Variants in MDN1 observed in about 807,000 individuals in gnomAD.
MDN1 encodes the protein midasin AAA ATPase 1, also known as midasin.
MDN1 carries 266 observed loss-of-function variants against 669.2 expected under a neutral mutation model. The observed-to-expected ratio is 0.40, with a 90% CI of 0.36 to 0.44. The LOEUF (loss-of-function observed/expected upper bound fraction) is 0.44, where lower values mean the gene tolerates loss of function less well. MDN1 is among the 20% of genes least tolerant of loss of function. MDN1 has a pLI of 1.00. For missense variants in MDN1, 5,940 were observed against 6,754.0 expected (o/e 0.88, Z 4.22); for synonymous variants, 2,385 against 2,457.1 (o/e 0.97, Z 0.87).
At chr6:89,744,837 G>A (rs527589196) in intron 29 of MDN1, among the ~76,000 whole-genome samples, 7 of 150,112 alleles carry the variant, frequency 4.7e-5, no homozygotes, top group East Asian at 3.9e-4. Flanking sequence ...GAGCCGTATC[G>A]CACCACTGCA....
At chr6:89,748,719 TAA>T (rs141003255) in intron 26 of MDN1, among the ~76,000 whole-genome samples, 7 of 147,386 alleles carry the variant, frequency 4.7e-5, no homozygotes, top group South Asian at 4.3e-4. Context: ...GTTGATTGAT[TAA>T]AAAAAAAAAC....
chr6:89,796,371 T>G lies in MDN1; in HGVS notation c.330-1570A>C, dbSNP rs911488673. Among the ~76,000 whole-genome samples, 2 of 131,982 alleles carry G rather than the reference T, an allele frequency of 1.5e-5. 1 individual carries two copies. The highest frequency in any genetic ancestry group is 5.9e-5 in the African/African-American group (2 of 33,904). 86.6% of individuals were successfully genotyped at this position (131,982 alleles called of 152,430 possible). Reference sequence around the variant, plus strand: ...AAAAACAAAAAAAAAAACCAAACACTTTGAACATTATAAAGAAATGGAAAA... The same window carrying G: ...AAAAACAAAAAAAAAAACCAAACACGTTGAACATTATAAAGAAATGGAAAA... On this transcript the variant is annotated intron_variant, in intron 2 of 101. Transcript: ENST00000369393.
intron 83 of MDN1, among the ~76,000 whole-genome samples, chr6:89,669,722 A>G (rs1810501925): frequency 6.6e-6 from 1 of 152,130 alleles, no homozygotes; most frequent in African/African-American, 2.4e-5. Flanking sequence ...GAGGAAACTG[A>G]GGCTTGGTGA....
chr6:89,731,362 C>T (rs757942145), intron 34 of MDN1, among the ~76,000 whole-genome samples: 3 of 152,070 alleles, frequency 2.0e-5, no homozygotes, highest in African/African-American at 4.8e-5. Context: ...GGAACCAACC[C>T]GAATGTCCAT....
chr6:89,713,063 G>T, intron 47 of MDN1, 85 bp downstream of exon 47: 1 of 1,450,046 alleles, frequency 6.9e-7, no homozygotes, highest in Non-Finnish European at 9.3e-7. Flanking sequence ...TAGGTCACTG[G>T]GTTGCCACCT....
Position 89,729,062 on chromosome 6 carries a change from A to C in MDN1, c.5218T>G (p.Leu1740Val), listed in dbSNP as rs1296253407. Residue 1740 changes from leucine to valine, a missense_variant, in exon 36 of 102, where the codon TTA becomes GTA. By Grantham distance (32) the Leu-to-Val change is conservative (BLOSUM62 1). Coordinates refer to ENST00000369393, the MANE Select transcript of MDN1 (RefSeq NM_014611.3). ...GTTAMNAQRL[L>V]RATKLKKPIL... ...GGCTTCTTCAGTTTGGTAGCTCTTAAGAGCCTCTGTGCATTCATAGCAGTG... is the reference window on the plus strand; with the variant it reads ...GGCTTCTTCAGTTTGGTAGCTCTTACGAGCCTCTGTGCATTCATAGCAGTG... 17 of 1,614,024 alleles carry C rather than the reference A, an allele frequency of 1.1e-5. No individual in the cohort carries two copies. Among genetic ancestry groups the C allele is most frequent in the Non-Finnish European group, 1.4e-5 (16 of 1,179,946 alleles).
chr6:89,660,178 C>T (rs1000299149), intron 88 of MDN1, among the ~76,000 whole-genome samples: 4 of 152,022 alleles, frequency 2.6e-5, no homozygotes, highest in East Asian at 1.9e-4. Context: ...TGAACCACCG[C>T]GCCTGGCTAA....
Position 89,710,762 on chromosome 6 carries a change from C to A in MDN1, c.7684G>T (p.Ala2562Ser). ...SIQIHLEASAASLRNFYSHSL... is the reference protein window; with the variant it reads ...SIQIHLEASASSLRNFYSHSL... ...TGTGAGTAAAAATTCCTGAGAGATGCAGCACTGGCTTCCAAATGAATTTGT... is the reference window on the plus strand; with the variant it reads ...TGTGAGTAAAAATTCCTGAGAGATGAAGCACTGGCTTCCAAATGAATTTGT... The change falls in exon 50 of 102, where the codon GCA becomes TCA. Residue 2562 changes from alanine (A) to serine (S), a missense_variant. Physicochemically the swap from Ala to Ser is moderately conservative, Grantham distance 99. Around this residue, in one of 5 missense-constraint regions of MDN1, gnomAD observed 2,292 missense variants for 2,638.3 expected, o/e 0.87. Coordinates refer to ENST00000369393, the MANE Select transcript of MDN1 (RefSeq NM_014611.3). The A allele has an allele frequency of 6.2e-7, 1 of 1,603,360 alleles. No individual in the cohort carries two copies. The highest frequency in any genetic ancestry group is 8.5e-7 in the Non-Finnish European group (1 of 1,175,734).
intron 15 of MDN1, among the ~76,000 whole-genome samples, chr6:89,770,335 C>T (rs75558497): frequency 8.0e-4 from 119 of 148,894 alleles, no homozygotes; most frequent in African/African-American, 2.9e-3. Context: ...ACGTGGGAGC[C>T]GGAGGTTGCA....
chr6:89,673,460 T>C lies in MDN1; in HGVS notation c.13250A>G (p.Lys4417Arg), dbSNP rs769495686. Residue 4417 changes from lysine (K) to arginine (R), a missense_variant and splice_region_variant, in exon 80 of 102, where the codon AAA (lysine) becomes AGA (arginine). This residue lies in a region of MDN1 where 2,280 missense variants were observed against 2,576.3 expected (regional missense o/e 0.88). Transcript: ENST00000369393. ...QSCETLFHSW[K>R]DFEVCSSALS... is the part of the protein sequence containing the mutation. ...CGCAGAAGAGCAAACTTCAAAATCT[T>C]TCCTGCAACAGAAATGCCACAATGT... The C allele has an allele frequency of 6.2e-7, 1 of 1,614,010 alleles. No individual in the cohort carries two copies. The highest frequency in any genetic ancestry group is 1.3e-5 in the African/African-American group (1 of 75,014).
chr6:89,731,539 CA>C (rs1401278406), intron 34 of MDN1, among the ~76,000 whole-genome samples: 3 of 151,638 alleles, frequency 2.0e-5, no homozygotes, highest in African/African-American at 4.9e-5. Context: ...TGTTCTCACT[CA>C]TAAGTGGGAG....
chr6:89,707,657 A>G (rs1202395732), intron 51 of MDN1, among the ~76,000 whole-genome samples, 181 bp from the exon 52 acceptor site: 1 of 152,232 alleles, frequency 6.6e-6, no homozygotes, highest in Non-Finnish European at 1.5e-5. Flanking sequence ...AGGTGAAAGG[A>G]AAGATCGATG....
chr6:89,667,503 A>T (rs1447414667), intron 84 of MDN1, among the ~76,000 whole-genome samples: 1 of 152,212 alleles, frequency 6.6e-6, no homozygotes, highest in Non-Finnish European at 1.5e-5. Context: ...CAAATGAGAC[A>T]GGCATTTAAA....
In MDN1 at chr6:89,747,354, G is replaced by T; in HGVS notation, c.3879C>A (p.Asp1293Glu). Residue 1293 changes from aspartate to glutamate, a missense_variant, in exon 27 of 102, where the codon GAC (aspartate) becomes GAA (glutamate). Around this residue, in one of 5 missense-constraint regions of MDN1, gnomAD observed 2,292 missense variants for 2,638.3 expected, o/e 0.87. Coordinates refer to ENST00000369393, the MANE Select transcript of MDN1 (RefSeq NM_014611.3). ...CATCATTGGCTAAATGCTGTAGCCAGTCATACTCCTTCTCGGTCGGCTCAG... is the reference window on the plus strand; with the variant it reads ...CATCATTGGCTAAATGCTGTAGCCATTCATACTCCTTCTCGGTCGGCTCAG... ...RLAEPTEKEY[D>E]WLQHLANDGY... The T allele has an allele frequency of 6.2e-7, 1 of 1,614,042 alleles. No individual in the cohort carries two copies. Among genetic ancestry groups the T allele is most frequent in the Non-Finnish European group, 8.5e-7 (1 of 1,179,996 alleles).
Position 89,696,556 on chromosome 6 carries a change from T to C in MDN1, c.9187A>G (p.Arg3063Gly), listed in dbSNP as rs987219681. 2 of 1,613,916 alleles carry C rather than the reference T, an allele frequency of 1.2e-6. No homozygotes were observed. The highest frequency in any genetic ancestry group is 1.7e-6 in the Non-Finnish European group (2 of 1,179,898). Residue 3063 changes from arginine to glycine, a missense_variant, in exon 60 of 102, where the codon AGA becomes GGA. By Grantham distance (125) the Arg-to-Gly change is moderately radical. This residue lies in a region of MDN1 where 2,292 missense variants were observed against 2,638.3 expected (regional missense o/e 0.87). Transcript: ENST00000369393. ...STLKGPGNLN[R>G]PIFSKCCFEV... ...AAGCAGCACTTAGAGAATATGGGTC[T>C]ATTGAGATTGCCGGGGCCCTAAAGG...
rs1813849755 is a variant in MDN1, at chr6:89,710,801, A to G, written c.7652-7T>C. ...AAATGAATTTGTATGGACTCTGTGG[A>G]GGAAGGAGAAACCAGTGTTAGACTC... On this transcript the variant is annotated splice_polypyrimidine_tract_variant and splice_region_variant and intron_variant, in intron 49 of 101. Coordinates refer to ENST00000369393, the MANE Select transcript of MDN1 (RefSeq NM_014611.3). 26 of 1,543,246 alleles carry G rather than the reference A, an allele frequency of 1.7e-5. No homozygotes were observed. Among genetic ancestry groups the G allele is most frequent in the Non-Finnish European group, 2.2e-5 (25 of 1,123,060 alleles).
At chr6:89,782,608 AATAAT>A (rs1562213948) in intron 9 of MDN1, among the ~76,000 whole-genome samples, 58 of 820 alleles carry the variant, frequency 0.071, no homozygotes, top group Non-Finnish European at 0.14. Flanking sequence ...CTCAAAAAAT[AATAAT>A]AATAATAATA....
At chr6:89,796,850 C>T (rs557181751) in intron 2 of MDN1, among the ~76,000 whole-genome samples, 230 of 152,108 alleles carry the variant, frequency 1.5e-3, no homozygotes, top group African/African-American at 5.3e-3. Flanking sequence ...GGGTGGATCA[C>T]CTGAGGTCGG....
At position 89,706,072 on chromosome 6, in the gene MDN1, G is replaced by A; in HGVS notation, c.8135C>T (p.Ala2712Val). 1.2e-6 allele frequency: 2 copies of A among 1,604,024 alleles called. No homozygotes were observed. Among genetic ancestry groups the A allele is most frequent in the East Asian group, 2.2e-5 (1 of 44,780 alleles). ...VQSSQGMVSD[A>V]SANEILGSLR... ...GCAGTTCCTTACCTCATTGGCACTG[G>A]CATCAGACACCATTCCCTGGGAGGA... Residue 2712 changes from alanine (A) to valine (V), a missense_variant, in exon 53 of 102, where the codon GCC (alanine) becomes GTC (valine). Around this residue, in one of 5 missense-constraint regions of MDN1, gnomAD observed 2,292 missense variants for 2,638.3 expected, o/e 0.87. Transcript: ENST00000369393.
Sources: gnomAD v4.1 joint callset for allele counts (sites outside exome capture counted in the v4.1 genomes callset) on GRCh38, gnomAD v4.1.1 for gene constraint, gnomAD v4.1.1 regional missense constraint, MANE v1.5 for transcripts, NCBI Gene and HGNC (gene_info 2026-07-23, HGNC 2026-07-21) for gene names.